The following PLA2G4E variants were observed in gnomAD, a reference collection of about 807,000 sequenced individuals.
The protein encoded by PLA2G4E is cytosolic phospholipase A2 epsilon.
In PLA2G4E, 84 loss-of-function variants were observed where a neutral mutation model predicts 109.1. The observed-to-expected ratio is 0.77, with a 90% confidence interval of 0.65 to 0.92. The LOEUF (loss-of-function observed/expected upper bound fraction) is 0.92. Among genes scored for constraint, PLA2G4E ranks in the 40% least tolerant of loss-of-function variants. The pLI is 0.00. For synonymous variants in PLA2G4E, 469 were observed against 436.1 expected (o/e 1.08, Z -0.94); for missense variants, 1,057 against 1,076.6 (o/e 0.98, Z 0.25).
intron 2 of PLA2G4E, among the ~76,000 whole-genome samples, chr15:42,011,127 C>CA (rs11414481): frequency 0.38 from 58,426 of 152,120 alleles, 11,767 homozygotes; most frequent in South Asian, 0.59. Flanking sequence ...CCTTGTTCTT[C>CA]GGGGAAATGA....
chr15:42,032,958 TGTGTGTGA>T (rs1300412642), intron 1 of PLA2G4E, among the ~76,000 whole-genome samples: 2 of 152,018 alleles, frequency 1.3e-5, no homozygotes, highest in African/African-American at 4.8e-5. Context: ...CCACTGCATG[TGTGTGTGA>T]GTGTGTGAGA....
In PLA2G4E at chr15:41,989,564, G is replaced by A. The variant is rs2068207087; in HGVS notation, c.1586-12C>T. On this transcript the variant is annotated splice_polypyrimidine_tract_variant and intron_variant, in intron 14 of 19. Transcript: ENST00000399518. ...GAACTCGAACCACTCTGCACATGAA[G>A]CAGCAGGACGGGGGTCAGTCTCAGG... The A allele has an allele frequency of 1.9e-6, 3 of 1,610,856 alleles. No individual in the cohort carries two copies. In the East Asian group the frequency reaches 6.7e-5, roughly 36 times the overall value.
chr15:42,028,856 A>T (rs1025515791), intron 1 of PLA2G4E, among the ~76,000 whole-genome samples: 5 of 152,242 alleles, frequency 3.3e-5, no homozygotes, highest in Admixed American at 2.0e-4. Flanking sequence ...AGATGAGATT[A>T]AAAAATCAAC....
intron 2 of PLA2G4E, among the ~76,000 whole-genome samples, chr15:42,011,576 T>G (rs988126250): frequency 1.4e-5 from 2 of 143,862 alleles, no homozygotes; most frequent in Admixed American, 1.4e-4. Context: ...TTTTTTTTTT[T>G]AAAGTTAGCC....
At chr15:41,984,097 T>C (rs1289790214) in intron 19 of PLA2G4E, 123 bp from the exon 20 acceptor site, 4 of 875,188 alleles carry the variant, frequency 4.6e-6, no homozygotes, top group African/African-American at 3.4e-5. Flanking sequence ...CATGAAAACC[T>C]GTACACACGC....
intron 3 of PLA2G4E, among the ~76,000 whole-genome samples, chr15:42,007,092 G>A (rs926178336): frequency 6.6e-6 from 1 of 152,230 alleles, no homozygotes; most frequent in African/African-American, 2.4e-5. Flanking sequence ...GAGGCAGTAA[G>A]GTGGAGCTGT....
chr15:42,033,096 G>A (rs1366110922), intron 1 of PLA2G4E, among the ~76,000 whole-genome samples: 1 of 152,134 alleles, frequency 6.6e-6, no homozygotes, highest in Non-Finnish European at 1.5e-5. Context: ...TATTGTGTGA[G>A]TGTGTGTGTT....
Position 42,019,855 on chromosome 15 carries a change from G to A in PLA2G4E, c.184-6098C>T, listed in dbSNP as rs117956186. ...CCCTCCAGGCCTGACAGGGGCAGAT[G>A]CAGCTCATGGAGAGGCTCCTGAAGC... On this transcript the variant is annotated intron_variant, in intron 1 of 19. Coordinates refer to ENST00000399518, the Ensembl canonical transcript of PLA2G4E. 3.4e-4 allele frequency among the ~76,000 whole-genome samples: 52 copies of A among 152,386 alleles called. 2 individuals carry two copies. In the East Asian group the frequency reaches 9.4e-3, roughly 28 times the overall value.
intron 13 of PLA2G4E, 36 bp from the exon 14 acceptor site, chr15:41,990,271 G>A: frequency 6.3e-7 from 1 of 1,582,968 alleles, no homozygotes; most frequent in Admixed American, 1.7e-5. Context: ...AGAAGCAGCA[G>A]CCCAGAGGGT....
At chr15:42,009,834 C>T (rs2068514570) in intron 2 of PLA2G4E, 1 of 162,346 alleles carries the variant, frequency 6.2e-6, no homozygotes, top group Non-Finnish European at 1.3e-5. Context: ...CTTGCTAGCC[C>T]CTTGGGACTT....
chr15:42,031,640 G>GT lies in PLA2G4E; in HGVS notation c.184-17884dup, dbSNP rs1317005942. Among the ~76,000 whole-genome samples the GT allele has an allele frequency of 5.3e-5, 8 of 152,084 alleles. No individual in the cohort carries two copies. The South Asian group carries it at 8.3e-4, about 16-fold the overall frequency. The stretch of plus-strand genomic sequence containing the variant: ...GGGTATTGTAACAGGCAGCCCTCAC[G>GT]TTTTCTTGGTCCAAGGCCAGCTGAC... On this transcript the variant is annotated intron_variant, in intron 1 of 19. Coordinates refer to ENST00000399518, the Ensembl canonical transcript of PLA2G4E.
intron 12 of PLA2G4E, 111 bp from the exon 13 acceptor site, chr15:41,993,070 G>A: frequency 3.3e-6 from 3 of 922,238 alleles, no homozygotes; most frequent in Non-Finnish European, 4.8e-6. Context: ...AACCTGCCAG[G>A]AGGGGAACCT....
intron 2 of PLA2G4E, 107 bp downstream of exon 2, chr15:42,013,578 T>TGC (rs1555387310): frequency 1.0e-5 from 11 of 1,067,290 alleles, no homozygotes; most frequent in South Asian, 1.4e-5. Flanking sequence ...CGTGCACACG[T>TGC]GCGCGCGCAC....
intron 1 of PLA2G4E, among the ~76,000 whole-genome samples, chr15:42,017,202 C>T (rs2068603664): frequency 6.6e-6 from 1 of 152,206 alleles, no homozygotes; most frequent in South Asian, 2.1e-4. Flanking sequence ...CAATCCTTCT[C>T]CTGCCTCCAG....
At chr15:42,023,020 T>C (rs2068661439) in intron 1 of PLA2G4E, among the ~76,000 whole-genome samples, 2 of 152,008 alleles carry the variant, frequency 1.3e-5, no homozygotes, top group South Asian at 4.2e-4. Flanking sequence ...GAGAGAGGCA[T>C]CCTAGGAGGA....
chr15:41,988,049 C>T (rs750235523), exon 16 of PLA2G4E: 7 of 1,595,270 alleles, frequency 4.4e-6, no homozygotes, highest in African/African-American at 4.0e-5. Flanking sequence ...GGTCACCCAC[C>T]GATGTCCTGC....
intron 3 of PLA2G4E, among the ~76,000 whole-genome samples, chr15:42,007,359 T>C (rs1010726545): frequency 6.6e-5 from 10 of 152,222 alleles, no homozygotes; most frequent in Admixed American, 5.9e-4. Context: ...GAGAGAACCC[T>C]CTGGCTGGAA....
chr15:42,042,138 GATGTT>G (rs1273401907), intron 1 of PLA2G4E, among the ~76,000 whole-genome samples: 4 of 152,136 alleles, frequency 2.6e-5, no homozygotes, highest in Admixed American at 1.3e-4. Context: ...TAGATGATAT[GATGTT>G]ATGTTATGTA....
chr15:41,993,194 A>G (rs1684724462), intron 12 of PLA2G4E, among the ~76,000 whole-genome samples: 1 of 152,238 alleles, frequency 6.6e-6, no homozygotes, highest in South Asian at 2.1e-4. Context: ...TGTGCCAGGC[A>G]TAACAGTGGT....
Sources: allele counts gnomAD v4.1 joint callset (sites outside exome capture counted in the v4.1 genomes callset), GRCh38; gene constraint gnomAD v4.1.1; transcripts MANE v1.5; gene names NCBI Gene and HGNC (gene_info 2026-07-23, HGNC 2026-07-21).